GLT1D1: variants seen among roughly 807,000 people sequenced by gnomAD.
GLT1D1 encodes glycosyltransferase 1 domain containing 1.
A neutral mutation model predicts 28.7 loss-of-function variants in GLT1D1; 21 were observed. The ratio of observed to expected loss-of-function variants is 0.73; its 90% confidence interval spans 0.52 to 1.05. The LOEUF (loss-of-function observed/expected upper bound fraction) is 1.05. Ranked by LOEUF, GLT1D1 falls within the 50% of genes least tolerant of loss-of-function variation. GLT1D1 has a pLI of 0.00. For missense variants in GLT1D1, 343 were observed against 330.6 expected (o/e 1.04, Z -0.29); for synonymous variants, 147 against 124.8 (o/e 1.18, Z -1.19).
rs575458924 is a variant in GLT1D1 at position 128,896,256 on chromosome 12, A to G, written c.324-2980A>G. On this transcript the variant is annotated intron_variant, in intron 3 of 7. Transcript: ENST00000281703. ...TTTATAATGAGTAGAGGAGAAAATA[A>G]TGATGTGGGAGAAAGATAGGAGGAT... is the stretch of plus-strand genomic sequence containing the variant. Among the ~76,000 whole-genome samples the G allele has an allele frequency of 9.2e-5, 14 of 152,272 alleles. No individual in the cohort carries two copies. In the South Asian group the frequency reaches 2.9e-3, roughly 32 times the overall value.
intron 7 of GLT1D1, among the ~76,000 whole-genome samples, chr12:128,978,504 C>T (rs1302288421): frequency 6.6e-6 from 1 of 152,160 alleles, no homozygotes; most frequent in Non-Finnish European, 1.5e-5. Context: ...TGGGTGGCCT[C>T]AGAGGCTGGA....
At chr12:128,897,341 T>C (rs1332098027) in intron 3 of GLT1D1, among the ~76,000 whole-genome samples, 1 of 152,202 alleles carries the variant, frequency 6.6e-6, no homozygotes, top group Non-Finnish European at 1.5e-5. Flanking sequence ...ATTGTTATTT[T>C]TGTTTTAATT....
chr12:128,886,741 C>G (rs1018429769), intron 2 of GLT1D1, among the ~76,000 whole-genome samples: 1 of 152,112 alleles, frequency 6.6e-6, no homozygotes, highest in Admixed American at 6.5e-5. Context: ...TACCCCTCCC[C>G]TGTCCCAGCC....
chr12:128,940,283 C>T (rs1319737951), intron 4 of GLT1D1, among the ~76,000 whole-genome samples: 2 of 152,134 alleles, frequency 1.3e-5, no homozygotes, highest in African/African-American at 2.4e-5. Context: ...TAACAGCAAC[C>T]AGAGAGGCAG....
intron 4 of GLT1D1, among the ~76,000 whole-genome samples, chr12:128,931,703 T>C (rs1462745337): frequency 6.6e-6 from 1 of 152,126 alleles, no homozygotes; most frequent in East Asian, 1.9e-4. Context: ...GTGTTTGTCT[T>C]CCCTCCTAAA....
intron 6 of GLT1D1, among the ~76,000 whole-genome samples, chr12:128,956,549 G>A (rs949496842): frequency 6.6e-6 from 1 of 152,006 alleles, no homozygotes; most frequent in South Asian, 2.1e-4. Flanking sequence ...GGATTTGATC[G>A]GGATCCACTA....
chr12:128,871,774 G>A (rs998563638), intron 1 of GLT1D1, among the ~76,000 whole-genome samples: 3 of 151,862 alleles, frequency 2.0e-5, no homozygotes, highest in African/African-American at 7.3e-5. Context: ...GTGCAATATT[G>A]CTCCTAAATG....
chr12:128,957,731 T>A (rs1877448588), intron 7 of GLT1D1, 88 bp downstream of exon 11: 1 of 885,880 alleles, frequency 1.1e-6, no homozygotes, highest in South Asian at 1.4e-5. Flanking sequence ...CTGTTAGCGC[T>A]TAGTATTCCT....
intron 4 of GLT1D1, among the ~76,000 whole-genome samples, chr12:128,917,835 A>G (rs1287109317): frequency 6.6e-6 from 1 of 152,220 alleles, no homozygotes; most frequent in East Asian, 1.9e-4. Flanking sequence ...GATGCTGGCG[A>G]GCTTGTGGAG....
intron 1 of GLT1D1, among the ~76,000 whole-genome samples, chr12:128,855,988 G>A (rs10847703): frequency 0.24 from 35,761 of 151,996 alleles, 4,550 homozygotes; most frequent in South Asian, 0.42. Flanking sequence ...CTGACCTCAC[G>A]TGATCCTTTG....
rs1382366340 is a variant in GLT1D1 at position 128,984,944 on chromosome 12, T to A, written c.*1854T>A. 6.6e-6 allele frequency: 1 copy of A among 152,220 alleles called. No homozygotes were observed. Among genetic ancestry groups the A allele is most frequent in the Non-Finnish European group, 1.5e-5 (1 of 68,054 alleles). 9.4% of individuals were successfully genotyped at this position (152,220 alleles called of 1,614,324 possible). A position where few individuals can be genotyped will look rare whatever the true frequency, so the allele number is the denominator to read the frequency against. On this transcript the variant is annotated 3_prime_UTR_variant, in exon 8 of 8. Transcript: ENST00000281703. ...AGGGCGTGTTTTTAAATTAATAAAG[T>A]GTGTCACCATTAGCCATACGAAAAT...
chr12:128,969,991 AG>A (rs1878877390), intron 7 of GLT1D1, among the ~76,000 whole-genome samples: 1 of 152,070 alleles, frequency 6.6e-6, no homozygotes, highest in South Asian at 2.1e-4. Flanking sequence ...CGCTTCCTGG[AG>A]GCCTCCTGGT....
intron 4 of GLT1D1, among the ~76,000 whole-genome samples, chr12:128,924,830 C>T (rs1446626207): frequency 1.3e-5 from 2 of 152,082 alleles, no homozygotes; most frequent in Admixed American, 6.6e-5. Context: ...CTTCCCCCGC[C>T]CAGGCTTGGA....
chr12:128,983,226 G>T lies in GLT1D1; in HGVS notation c.*136G>T, dbSNP rs764639021. ...AGCGGAATCCTAGAAAATGTTAGTC[G>T]TGAGTCCCCAGAGCCACTGCATTCA... On this transcript the variant is annotated 3_prime_UTR_variant, in exon 8 of 8. Coordinates refer to ENST00000281703, the MANE Select transcript of GLT1D1 (RefSeq NM_144669.3). This position sits in a 1 kb window ranked among gnomAD's most constrained non-coding sequence, Gnocchi z 4.7. The T allele has an allele frequency of 4.0e-6, 3 of 749,490 alleles. No individual in the cohort carries two copies. The highest frequency in any genetic ancestry group is 4.4e-6 in the Non-Finnish European group (2 of 456,700). 46.4% of individuals were successfully genotyped at this position (749,490 alleles called of 1,614,324 possible).
At position 128,906,930 on chromosome 12, in the gene GLT1D1, T is replaced by A. The variant is rs1414259000; in HGVS notation, c.375+7643T>A. ...AGAAAGCAAGACAGATCTCATTGGC[T>A]GTCACAAGTGCAGTTCCTGTACAGG... On this transcript the variant is annotated intron_variant, in intron 4 of 7. Transcript: ENST00000281703. 8 of 702,486 alleles carry A rather than the reference T, an allele frequency of 1.1e-5. No homozygotes were observed. The South Asian group carries it at 1.2e-4, about 10-fold the overall frequency. 43.5% of individuals were successfully genotyped at this position (702,486 alleles called of 1,614,324 possible). A position where few individuals can be genotyped will look rare whatever the true frequency, so the allele number is the denominator to read the frequency against.
intron 2 of GLT1D1, among the ~76,000 whole-genome samples, chr12:128,880,988 G>A (rs1051646473): frequency 3.4e-5 from 5 of 147,044 alleles, no homozygotes; most frequent in Admixed American, 6.8e-5. Flanking sequence ...ACTTTGGGTG[G>A]TGGAGACGGG....
intron 1 of GLT1D1, among the ~76,000 whole-genome samples, chr12:128,874,064 CTTTCTTTCTTTCTT>C (rs1956776807): frequency 3.7e-5 from 1 of 27,158 alleles, no homozygotes; most frequent in Non-Finnish European, 5.5e-5. Context: ...TCCCTCCTTT[CTTTCTTTCTTTCTT>C]TCTTTCTTTC....
chr12:128,979,739 C>T (rs900107697), intron 7 of GLT1D1, among the ~76,000 whole-genome samples: 3 of 149,362 alleles, frequency 2.0e-5, no homozygotes, highest in Non-Finnish European at 3.0e-5. Context: ...GGTAACACTG[C>T]GAGACTCTGT....
At chr12:128,885,470 G>T (rs1038283356) in intron 2 of GLT1D1, among the ~76,000 whole-genome samples, 10 of 152,152 alleles carry the variant, frequency 6.6e-5, no homozygotes, top group African/African-American at 2.2e-4. Flanking sequence ...TGATCCACCC[G>T]CCTCGGCCTT....
Sources: allele counts gnomAD v4.1 joint callset (sites outside exome capture counted in the v4.1 genomes callset), GRCh38; gene constraint gnomAD v4.1.1; non-coding constraint Gnocchi (gnomAD v3.1); transcripts MANE v1.5; gene names NCBI Gene and HGNC (gene_info 2026-07-23, HGNC 2026-07-21).